Variants in MAGI2 observed in about 807,000 individuals in gnomAD.
The protein encoded by MAGI2 is membrane-associated guanylate kinase, WW and PDZ domain-containing protein 2.
MAGI2 carries 35 observed loss-of-function variants against 133.3 expected under a neutral mutation model. The observed-to-expected ratio is 0.26, with a 90% CI of 0.20 to 0.35. The LOEUF (loss-of-function observed/expected upper bound fraction) is 0.35, where lower values mean the gene tolerates loss of function less well. Among genes scored for constraint, MAGI2 ranks in the 10% least tolerant of loss-of-function variants. The probability of loss-of-function intolerance (pLI) is 1.00; values close to 1 mark genes in which losing one functional copy is unlikely to be tolerated. For synonymous variants in MAGI2, 729 were observed against 710.6 expected (o/e 1.03, Z -0.41); for missense variants, 1,636 against 1,863.4 (o/e 0.88, Z 2.25).
intron 2 of MAGI2, among the ~76,000 whole-genome samples, chr7:78,914,188 A>G (rs1798618545): frequency 6.6e-6 from 1 of 152,192 alleles, no homozygotes; most frequent in African/African-American, 2.4e-5. Flanking sequence ...CAGAGGATGT[A>G]TCACTATTAG....
intron 1 of MAGI2, among the ~76,000 whole-genome samples, chr7:79,404,038 C>T (rs183551136): frequency 9.9e-5 from 15 of 152,230 alleles, no homozygotes; most frequent in Non-Finnish European, 5.9e-5. Context: ...ATAGGGATGA[C>T]AATGTTAATG....
intron 10 of MAGI2, among the ~76,000 whole-genome samples, chr7:78,228,450 G>A (rs1026519134): frequency 1.3e-5 from 2 of 152,192 alleles, no homozygotes; most frequent in Admixed American, 1.3e-4. Context: ...TTTTGAGTTA[G>A]TATTTGGGAA....
At chr7:79,283,212 T>A (rs532191730) in intron 1 of MAGI2, among the ~76,000 whole-genome samples, 7 of 152,104 alleles carry the variant, frequency 4.6e-5, no homozygotes, top group Non-Finnish European at 1.0e-4. Flanking sequence ...TTTAAACTCT[T>A]TCTAATACAC....
At chr7:78,086,243 T>TG (rs1304502843) in intron 20 of MAGI2, among the ~76,000 whole-genome samples, 1 of 82,116 alleles carries the variant, frequency 1.2e-5, no homozygotes, top group Non-Finnish European at 2.8e-5. Context: ...TTTTTAATGT[T>TG]TTTTTTTTTT....
At chr7:79,042,337 T>G (rs906545663) in intron 1 of MAGI2, among the ~76,000 whole-genome samples, 1 of 152,288 alleles carries the variant, frequency 6.6e-6, no homozygotes, top group African/African-American at 2.4e-5. Flanking sequence ...CGTCTGAAGT[T>G]ACACTAGTAA....
intron 3 of MAGI2, among the ~76,000 whole-genome samples, chr7:78,619,876 C>A (rs919538691): frequency 6.6e-6 from 1 of 151,938 alleles, no homozygotes; most frequent in Non-Finnish European, 1.5e-5. Context: ...GATCAGTAAA[C>A]GGTCAGTGTT....
intron 10 of MAGI2, among the ~76,000 whole-genome samples, chr7:78,235,225 C>T (rs1790403952): frequency 6.6e-6 from 1 of 152,084 alleles, no homozygotes; most frequent in African/African-American, 2.4e-5. Flanking sequence ...TTTCTTCTTC[C>T]CTCTGACATT....
chr7:78,066,493 T>A (rs1433795422), intron 21 of MAGI2, among the ~76,000 whole-genome samples: 1 of 151,340 alleles, frequency 6.6e-6, no homozygotes, highest in Admixed American at 6.6e-5. Context: ...GTTGACTTGC[T>A]GGATATAATT....
chr7:79,199,344 G>T (rs569134852), intron 1 of MAGI2, among the ~76,000 whole-genome samples: 2 of 151,948 alleles, frequency 1.3e-5, no homozygotes, highest in African/African-American at 4.8e-5. Context: ...ATATCTGTAC[G>T]CTTCCTACTA....
intron 3 of MAGI2, among the ~76,000 whole-genome samples, chr7:78,538,029 A>G (rs1024152189): frequency 6.6e-6 from 1 of 152,088 alleles, no homozygotes; most frequent in African/African-American, 2.4e-5. Flanking sequence ...AAGGAGAGAG[A>G]TGAGGATCCT....
chr7:78,113,789 G>A (rs538179016), intron 20 of MAGI2, among the ~76,000 whole-genome samples: 1 of 152,194 alleles, frequency 6.6e-6, no homozygotes, highest in Non-Finnish European at 1.5e-5. Context: ...ATAAATAACA[G>A]TACAGGCCTT....
chr7:78,181,020 A>C (rs1167620761), intron 13 of MAGI2, among the ~76,000 whole-genome samples: 1 of 150,984 alleles, frequency 6.6e-6, no homozygotes, highest in Non-Finnish European at 1.5e-5. Context: ...GTCTGGCTTT[A>C]CAAAATAACT....
intron 11 of MAGI2, among the ~76,000 whole-genome samples, chr7:78,195,731 T>C (rs1243531119): frequency 5.3e-5 from 8 of 152,214 alleles, no homozygotes; most frequent in Non-Finnish European, 1.2e-4. Context: ...CAGTTTATCA[T>C]GTTCTTTCAC....
At chr7:78,128,332 T>C (rs1821203724) in intron 18 of MAGI2, among the ~76,000 whole-genome samples, 1 of 152,172 alleles carries the variant, frequency 6.6e-6, no homozygotes, top group African/African-American at 2.4e-5. Flanking sequence ...ATTGTCACCA[T>C]GGTATGGAGG....
chr7:78,307,063 T>C (rs1226236591), intron 9 of MAGI2, among the ~76,000 whole-genome samples: 1 of 152,180 alleles, frequency 6.6e-6, no homozygotes, highest in Non-Finnish European at 1.5e-5. Context: ...TTAGTCAACG[T>C]AAGTTGAACT....
chr7:78,435,766 T>C (rs1800226282), intron 6 of MAGI2, among the ~76,000 whole-genome samples: 1 of 152,182 alleles, frequency 6.6e-6, no homozygotes, highest in Admixed American at 6.6e-5. Context: ...ACCAGCAGAT[T>C]GAAAATCTGG....
chr7:79,276,398 G>C (rs2129557592), intron 1 of MAGI2, among the ~76,000 whole-genome samples: 1 of 152,276 alleles, frequency 6.6e-6, no homozygotes, highest in Admixed American at 6.5e-5. Flanking sequence ...ACCCTGATCA[G>C]CTGGCAGCCA....
At chr7:78,201,384 G>T (rs984956079) in intron 10 of MAGI2, among the ~76,000 whole-genome samples, 191 bp from the exon 11 acceptor site, 5 of 152,162 alleles carry the variant, frequency 3.3e-5, no homozygotes, top group African/African-American at 9.7e-5. Flanking sequence ...TTGTATTAAT[G>T]ATTCTAAGAA....
chr7:78,457,073 T>C (rs905213666), intron 6 of MAGI2: 5 of 152,234 alleles, frequency 3.3e-5, no homozygotes, highest in African/African-American at 1.2e-4. Context: ...AGGACCCCTG[T>C]GAACTGCAAT....
Sources: allele counts gnomAD v4.1 joint callset (sites outside exome capture counted in the v4.1 genomes callset), GRCh38; gene constraint gnomAD v4.1.1; transcripts MANE v1.5; gene names NCBI Gene and HGNC (gene_info 2026-07-23, HGNC 2026-07-21).